The following DNAH12 variants were observed in gnomAD, a reference collection of about 807,000 sequenced individuals.
DNAH12 encodes the protein axonemal beta dynein heavy chain 12.
DNAH12 carries 285 observed loss-of-function variants against 371.5 expected under a neutral mutation model. The ratio of observed to expected loss-of-function variants is 0.77; its 90% CI spans 0.70 to 0.85. The LOEUF (loss-of-function observed/expected upper bound fraction) is 0.85, where lower values mean the gene tolerates loss of function less well. Ranked by LOEUF, DNAH12 falls within the 40% of genes least tolerant of loss-of-function variation. The pLI, the probability that DNAH12 is intolerant of heterozygous loss-of-function variation, is 0.00. For missense variants in DNAH12, 3,611 were observed against 3,689.4 expected, an observed-to-expected ratio of 0.98 and a Z score of 0.55; for synonymous variants, 1,200 against 1,213.0, an observed-to-expected ratio of 0.99 and a Z score of 0.22.
chr3:57,372,949 T>C (rs1450312044), intron 55 of DNAH12, among the ~76,000 whole-genome samples: 2 of 152,096 alleles, frequency 1.3e-5, no homozygotes, highest in Admixed American at 1.3e-4. Context: ...CTCACTAAAA[T>C]TAGAAAGACT....
the DNAH12 span, among the ~76,000 whole-genome samples, chr3:57,550,572 G>A: frequency 6.6e-6 from 1 of 151,950 alleles, no homozygotes; most frequent in Non-Finnish European, 1.5e-5. Context: ...GAGTGCAGTG[G>A]TGCAATCTTG....
In DNAH12 at chr3:57,483,491, G is replaced by A. The variant is rs2066822805; in HGVS notation, c.1535C>T (p.Ala512Val). The change falls in exon 13 of 74, where the codon GCA becomes GTA. Residue 512 changes from alanine to valine, a missense_variant. Physicochemically the swap from Ala to Val is moderately conservative, Grantham distance 64. Transcript: ENST00000495027. Reference protein sequence around the residue: ...ENECICSEFEAIKEHALKVPE... With the variant: ...ENECICSEFEVIKEHALKVPE... ...GACTTTTAATGCATGTTCTTTAATTGCTTCAAATTCACTGCAAATACTGAC... is the reference window on the plus strand; with the variant it reads ...GACTTTTAATGCATGTTCTTTAATTACTTCAAATTCACTGCAAATACTGAC... 1.9e-6 allele frequency: 3 copies of A among 1,549,878 alleles called. No individual in the cohort carries two copies. Among genetic ancestry groups the A allele is most frequent in the African/African-American group, 1.4e-5 (1 of 72,812 alleles).
intron 24 of DNAH12, 67 bp downstream of exon 24, chr3:57,453,180 G>A (rs2065806453): frequency 1.3e-6 from 2 of 1,485,686 alleles, no homozygotes; most frequent in South Asian, 2.8e-5. Context: ...AATACATATA[G>A]TACAAGTCTT....
intron 58 of DNAH12, among the ~76,000 whole-genome samples, chr3:57,358,435 C>A (rs2062848519): frequency 2.3e-5 from 2 of 86,602 alleles, no homozygotes; most frequent in Non-Finnish European, 6.5e-5. Context: ...AAACTTAAGG[C>A]CTTCCGTTCA....
At chr3:57,323,741 T>C in intron 62 of DNAH12, 122 bp from the exon 63 acceptor site, 1 of 1,008,782 alleles carries the variant, frequency 9.9e-7, no homozygotes, top group Admixed American at 3.5e-5. Flanking sequence ...GCATATAGCA[T>C]CATAGACAAA....
At chr3:57,325,585 A>G (rs911847518) in intron 62 of DNAH12, among the ~76,000 whole-genome samples, 1 of 152,192 alleles carries the variant, frequency 6.6e-6, no homozygotes, top group African/African-American at 2.4e-5. Context: ...CACCATCATC[A>G]AAGACCAAAA....
chr3:57,301,801 T>C lies in DNAH12; in HGVS notation c.11328A>G (p.Ser3776=). Residue 3776 remains serine (S), a synonymous_variant, in exon 70 of 74, where the codon TCA becomes TCG. Coordinates refer to ENST00000495027, the MANE Select transcript of DNAH12 (RefSeq NM_001366028.2). ...GKVPEIWAKR[S]YPSLKPLGSY... ...TTCCCAGGGGCTTAAGGCTTGGGTA[T>C]GAACGTTTGGCCCATATTTCTGGAA... 1.3e-6 allele frequency: 2 copies of C among 1,551,658 alleles called. No homozygotes were observed. Among genetic ancestry groups the C allele is most frequent in the Non-Finnish European group, 1.7e-6 (2 of 1,147,014 alleles).
intron 2 of DNAH12, among the ~76,000 whole-genome samples, chr3:57,537,063 G>A (rs538365147): frequency 6.3e-4 from 81 of 128,614 alleles, no homozygotes; most frequent in African/African-American, 1.4e-3. Flanking sequence ...GTGTGGTGGC[G>A]CACACCTGTA....
chr3:57,298,976 T>C lies in DNAH12; in HGVS notation c.11395-1992A>G, dbSNP rs60834323. On this transcript the variant is annotated intron_variant, in intron 70 of 73. Transcript: ENST00000495027. Reference sequence around the variant, plus strand: ...GGAATGAACAGATGAATCAATGAAATGGACTTTGTCTCTGAGCAGGCAATA... The same window carrying C: ...GGAATGAACAGATGAATCAATGAAACGGACTTTGTCTCTGAGCAGGCAATA... Among the ~76,000 whole-genome samples, 884 of 152,296 alleles carry C rather than the reference T, an allele frequency of 5.8e-3. 6 individuals are homozygous for C. Among genetic ancestry groups the C allele is most frequent in the African/African-American group, 0.02 (824 of 41,566 alleles).
At chr3:57,480,206 C>A (rs1279158369) in intron 13 of DNAH12, among the ~76,000 whole-genome samples, 1 of 151,948 alleles carries the variant, frequency 6.6e-6, no homozygotes, top group Non-Finnish European at 1.5e-5. Flanking sequence ...AGAGAAGAAT[C>A]AAATAGATGC....
chr3:57,403,107 G>A (rs1553679553), intron 43 of DNAH12, among the ~76,000 whole-genome samples: 1 of 152,086 alleles, frequency 6.6e-6, no homozygotes, highest in Admixed American at 6.5e-5. Context: ...CCTATAGAAT[G>A]AGATCATGTA....
intron 28 of DNAH12, 36 bp from the exon 29 acceptor site, chr3:57,444,852 T>C (rs967974021): frequency 6.6e-7 from 1 of 1,525,464 alleles, no homozygotes. Context: ...TTAAGTTAGT[T>C]GCCAGCAATT....
chr3:57,295,385 T>C (rs2061212479), intron 73 of DNAH12, 140 bp downstream of exon 73: 1 of 589,352 alleles, frequency 1.7e-6, no homozygotes, highest in Non-Finnish European at 2.9e-6. Context: ...TAATTTCTAA[T>C]GTAAATGTTC....
At chr3:57,402,333 A>T in intron 43 of DNAH12, 6 of 1,188,636 alleles carry the variant, frequency 5.0e-6, no homozygotes, top group Non-Finnish European at 6.6e-6. Flanking sequence ...ACTTTGTATC[A>T]TCTCTCTGTT....
At position 57,295,517 on chromosome 3, in the gene DNAH12, A is replaced by G. The variant is rs892557210; in HGVS notation, c.11692+8T>C. 5 of 1,545,680 alleles carry G rather than the reference A, an allele frequency of 3.2e-6. No homozygotes were observed. The highest frequency in any genetic ancestry group is 4.9e-5 in the East Asian group (2 of 40,780). On this transcript the variant is annotated splice_region_variant and intron_variant, in intron 73 of 73. Transcript: ENST00000495027. ...ACTTCAAATAAATTTTGTTGAGAGAATATTTACTTGGTTTTATCCATATGA... is the reference window on the plus strand; with the variant it reads ...ACTTCAAATAAATTTTGTTGAGAGAGTATTTACTTGGTTTTATCCATATGA...
chr3:57,306,216 C>G (rs1287781229), intron 69 of DNAH12, among the ~76,000 whole-genome samples: 1 of 152,140 alleles, frequency 6.6e-6, no homozygotes, highest in Non-Finnish European at 1.5e-5. Context: ...CTTCGGGTAA[C>G]TCTCACAGTG....
At chr3:57,339,189 A>G (rs140540839) in intron 60 of DNAH12, among the ~76,000 whole-genome samples, 3,603 of 152,252 alleles carry the variant, frequency 0.024, 65 homozygotes, top group Admixed American at 0.035. Context: ...CATGCTCGTT[A>G]AGAGTCATCA....
At chr3:57,390,424 A>AAAAATATATATATATATAT in intron 45 of DNAH12, among the ~76,000 whole-genome samples, 2 of 33,430 alleles carry the variant, frequency 6.0e-5, no homozygotes, top group Non-Finnish European at 1.4e-4. Context: ...AAAAAAAAAA[A>AAAAATATATATATATATAT]ATATATATAT....
rs1426829198 is a variant in DNAH12 at position 57,379,304 on chromosome 3, C to A, written c.8083-6G>T. On this transcript the variant is annotated splice_polypyrimidine_tract_variant and splice_region_variant and intron_variant, in intron 51 of 73. Coordinates refer to ENST00000495027, the MANE Select transcript of DNAH12 (RefSeq NM_001366028.2). ...ATCTTCTGCATAACAGTCACCTATA[C>A]AACAAAGATTTAAATTTTAAAATTT... 2.0e-5 allele frequency: 3 copies of A among 151,872 alleles called. No homozygotes were observed. The highest frequency in any genetic ancestry group is 2.9e-5 in the Non-Finnish European group (2 of 67,978). The allele number at this position is 151,872 out of a possible 1,614,324, so 9.4% of individuals were successfully genotyped here.
Sources: gnomAD v4.1 joint callset for allele counts (sites outside exome capture counted in the v4.1 genomes callset) on GRCh38, gnomAD v4.1.1 for gene constraint, MANE v1.5 for transcripts, NCBI Gene and HGNC (gene_info 2026-07-23, HGNC 2026-07-21) for gene names.